RGS6: variants seen among roughly 807,000 people sequenced by gnomAD.
RGS6 encodes regulator of G-protein signaling 6.
RGS6 carries 30 observed loss-of-function variants against 78.5 expected under a neutral mutation model. That is an observed-to-expected ratio of 0.38 (90% CI 0.29 to 0.52). The LOEUF is 0.52. Ranked by LOEUF, RGS6 falls within the 20% of genes least tolerant of loss-of-function variation. The pLI, the probability that RGS6 is intolerant of heterozygous loss-of-function variation, is 0.85. For synonymous variants in RGS6, 206 were observed against 206.0 expected, an observed-to-expected ratio of 1.00 and a Z score of 0.00; for missense variants, 495 against 609.7, an observed-to-expected ratio of 0.81 and a Z score of 1.98.
At chr14:72,501,641 C>T (rs910161567) in intron 13 of RGS6, among the ~76,000 whole-genome samples, 2 of 152,152 alleles carry the variant, frequency 1.3e-5, no homozygotes, top group African/African-American at 4.8e-5. Flanking sequence ...TGAAAACCAC[C>T]AGGAGAGTGT....
At chr14:72,123,121 C>T (rs954032656) in intron 2 of RGS6, among the ~76,000 whole-genome samples, 2 of 152,162 alleles carry the variant, frequency 1.3e-5, no homozygotes, top group African/African-American at 4.8e-5. Flanking sequence ...TATGCACCAC[C>T]ACACCTGGCT....
At chr14:72,004,556 C>T (rs767297224) in intron 2 of RGS6, among the ~76,000 whole-genome samples, 3 of 152,190 alleles carry the variant, frequency 2.0e-5, no homozygotes, top group Non-Finnish European at 2.9e-5. Flanking sequence ...CTCTCAAGCT[C>T]AGCACAGTGG....
chr14:72,390,300 G>A (rs2089614512), intron 3 of RGS6, among the ~76,000 whole-genome samples: 1 of 152,022 alleles, frequency 6.6e-6, no homozygotes, highest in African/African-American at 2.4e-5. Context: ...GTTTTGCCAT[G>A]TTGGCCAGGC....
At chr14:72,211,672 C>T (rs2044195468) in intron 2 of RGS6, among the ~76,000 whole-genome samples, 1 of 152,126 alleles carries the variant, frequency 6.6e-6, no homozygotes. Flanking sequence ...CAATGACCCC[C>T]AAACGTAAGA....
At chr14:72,180,611 C>T (rs2153698116) in intron 2 of RGS6, among the ~76,000 whole-genome samples, 1 of 152,316 alleles carries the variant, frequency 6.6e-6, no homozygotes, top group South Asian at 2.1e-4. Context: ...ATTCACCTCA[C>T]ATATTTTAAA....
chr14:72,312,706 A>C (rs2068952155), intron 2 of RGS6, among the ~76,000 whole-genome samples: 1 of 152,180 alleles, frequency 6.6e-6, no homozygotes, highest in Non-Finnish European at 1.5e-5. Flanking sequence ...TGAATTATAC[A>C]CCTACCGCAA....
chr14:72,014,910 G>A (rs536034508), intron 2 of RGS6, among the ~76,000 whole-genome samples: 232 of 152,194 alleles, frequency 1.5e-3, no homozygotes, highest in Non-Finnish European at 2.7e-3. Context: ...ATTCCCAGGT[G>A]TGCTTGTACC....
At chr14:72,598,907 C>A in the RGS6 span, among the ~76,000 whole-genome samples, 1 of 152,212 alleles carries the variant, frequency 6.6e-6, no homozygotes, top group Non-Finnish European at 1.5e-5. Context: ...ACCAGGCAAT[C>A]GGTCTGGGCA....
At chr14:72,182,607 C>G (rs1343584951) in intron 2 of RGS6, among the ~76,000 whole-genome samples, 2 of 152,132 alleles carry the variant, frequency 1.3e-5, no homozygotes, top group African/African-American at 4.8e-5. Context: ...AAACTGCTGA[C>G]AGTAACATCT....
In RGS6 at chr14:72,267,109, T is replaced by A. The variant is rs575127854; in HGVS notation, c.85-84986T>A. 2.0e-5 allele frequency among the ~76,000 whole-genome samples: 3 copies of A among 152,286 alleles called. No homozygotes were observed. In the South Asian group the frequency reaches 6.2e-4, roughly 32 times the overall value. ...CTCTGCCTCACTAGTTCAAATGATTTCTGGCTAATTTTTGTATTTTTAGTA... is the reference window on the plus strand; with the variant it reads ...CTCTGCCTCACTAGTTCAAATGATTACTGGCTAATTTTTGTATTTTTAGTA... On this transcript the variant is annotated intron_variant, in intron 2 of 17. Transcript: ENST00000553525.
chr14:72,032,120 C>A (rs954501643), intron 2 of RGS6, among the ~76,000 whole-genome samples: 1 of 152,068 alleles, frequency 6.6e-6, no homozygotes, highest in Admixed American at 6.6e-5. Context: ...GAGACCACAC[C>A]TTTTTTTCAG....
intron 3 of RGS6, among the ~76,000 whole-genome samples, chr14:72,402,570 G>T (rs1026916432): frequency 6.6e-6 from 1 of 152,018 alleles, no homozygotes; most frequent in African/African-American, 2.4e-5. Context: ...TCTCACCCCA[G>T]TTAGAACGGC....
At chr14:72,248,211 T>C (rs1400831022) in intron 2 of RGS6, among the ~76,000 whole-genome samples, 1 of 152,180 alleles carries the variant, frequency 6.6e-6, no homozygotes, top group African/African-American at 2.4e-5. Context: ...CCTAAGTGTG[T>C]CAAGGCATTT....
chr14:72,285,296 G>C (rs548549121), intron 2 of RGS6, among the ~76,000 whole-genome samples: 1 of 152,126 alleles, frequency 6.6e-6, no homozygotes, highest in African/African-American at 2.4e-5. Context: ...TGTAGCTCCC[G>C]TAGTTCCCAC....
At chr14:72,398,950 C>G (rs944681036) in intron 3 of RGS6, among the ~76,000 whole-genome samples, 10 of 151,862 alleles carry the variant, frequency 6.6e-5, no homozygotes, top group African/African-American at 2.2e-4. Context: ...TTTACATTTG[C>G]TGAGGAGTGC....
chr14:72,386,399 A>G (rs1359217054), intron 3 of RGS6, among the ~76,000 whole-genome samples: 2 of 152,054 alleles, frequency 1.3e-5, no homozygotes, highest in East Asian at 3.9e-4. Context: ...TTAGCCAGGC[A>G]TGGTTTTGCA....
chr14:72,188,199 A>G (rs1310891035), intron 2 of RGS6, among the ~76,000 whole-genome samples: 1 of 152,168 alleles, frequency 6.6e-6, no homozygotes, highest in Non-Finnish European at 1.5e-5. Flanking sequence ...GTCCAATGTT[A>G]GTGAATCAAC....
intron 2 of RGS6, among the ~76,000 whole-genome samples, chr14:72,254,387 C>G (rs117388013): frequency 6.6e-6 from 1 of 152,238 alleles, no homozygotes; most frequent in Non-Finnish European, 1.5e-5. Context: ...GGGGCCACGC[C>G]TCTTGTGCGA....
At chr14:72,485,732 G>A (rs1338526404) in intron 12 of RGS6, among the ~76,000 whole-genome samples, 1 of 152,176 alleles carries the variant, frequency 6.6e-6, no homozygotes, top group Non-Finnish European at 1.5e-5. Context: ...AAGGGGCTGT[G>A]GAATTGAACC....
Sources: allele counts gnomAD v4.1 joint callset (sites outside exome capture counted in the v4.1 genomes callset), GRCh38; gene constraint gnomAD v4.1.1; transcripts MANE v1.5; gene names NCBI Gene and HGNC (gene_info 2026-07-23, HGNC 2026-07-21).